The following DHODH variants were observed in gnomAD, a reference collection of about 807,000 sequenced individuals.
DHODH encodes the protein dihydroorotate dehydrogenase (quinone), also known as dihydroorotate dehydrogenase (quinone), mitochondrial.
A neutral mutation model predicts 39.7 loss-of-function variants in DHODH; 30 were observed. That is an observed-to-expected ratio of 0.76 (90% CI 0.57 to 1.02). The LOEUF is 1.02. DHODH is among the 50% of genes least tolerant of loss of function. The pLI, the probability that DHODH is intolerant of heterozygous loss-of-function variation, is 0.00. For missense variants in DHODH, 531 were observed against 520.8 expected (o/e 1.02, Z -0.19); for synonymous variants, 222 against 213.8 (o/e 1.04, Z -0.34).
chr16:72,016,755 GT>G (rs2041145980), intron 3 of DHODH: 1 of 439,188 alleles, frequency 2.3e-6, no homozygotes, highest in Non-Finnish European at 4.2e-6. Context: ...TGGGTAAGGA[GT>G]GGGGATCCAG....
rs2041270516 is a variant in DHODH at position 72,025,662 on chromosome 16, A to C, written c.*1463A>C. On this transcript the variant is annotated 3_prime_UTR_variant, in exon 9 of 9. Coordinates refer to ENST00000219240, the MANE Select transcript of DHODH (RefSeq NM_001361.5). ...TGGCATGTTTCACATTCTGATAGAT[A>C]GAGCCAAGTTGCTCCTATCAGGTTT... 6.6e-6 allele frequency: 1 copy of C among 152,358 alleles called. No homozygotes were observed. The highest frequency in any genetic ancestry group is 2.4e-5 in the African/African-American group (1 of 41,458). The allele number at this position is 152,358 out of a possible 1,614,324, so 9.4% of individuals were successfully genotyped here. A position where few individuals can be genotyped will look rare whatever the true frequency, so the allele number is the denominator to read the frequency against.
In DHODH at chr16:72,023,244, C is replaced by T. The variant is rs778406509; in HGVS notation, c.899C>T (p.Thr300Ile). The change falls in exon 7 of 9, where the codon ACA (threonine) becomes ATA (isoleucine). Residue 300 changes from threonine (T) to isoleucine (I), a missense_variant. Transcript: ENST00000219240. ...CTCCAGGGTGCCCTGCGCTCTGAAA[C>T]AGGAGGGCTGAGTGGGAAGCCCCTC... is the stretch of plus-strand genomic sequence containing the variant. ...AGLQGALRSE[T>I]GGLSGKPLRD... 6.2e-7 allele frequency: 1 copy of T among 1,614,256 alleles called. No homozygotes were observed. Among genetic ancestry groups the T allele is most frequent in the Admixed American group, 1.7e-5 (1 of 60,024 alleles).
In DHODH at chr16:72,026,441, C is replaced by A. The variant is rs187158385; in HGVS notation, c.*2242C>A. On this transcript the variant is annotated 3_prime_UTR_variant, in exon 9 of 9. Transcript: ENST00000219240. The stretch of plus-strand genomic sequence containing the variant: ...TGTCGCCCAGCCTGGAGTGCAGTGG[C>A]ATGATCTCAGCTCACTGCAAACTCC... The A allele has an allele frequency of 9.2e-4, 140 of 152,592 alleles. 1 individual carries two copies. Among genetic ancestry groups the A allele is most frequent in the African/African-American group, 3.1e-3 (129 of 41,424 alleles). The allele number at this position is 152,592 out of a possible 1,614,324, so 9.5% of individuals were successfully genotyped here. A position where few individuals can be genotyped will look rare whatever the true frequency, so the allele number is the denominator to read the frequency against.
rs1296559913 is a variant in DHODH at position 72,008,753 on chromosome 16, G to A, written c.-12G>A. The A allele has an allele frequency of 3.9e-6, 6 of 1,551,564 alleles. No individual in the cohort carries two copies. The Admixed American group carries it at 7.8e-5, about 20-fold the overall frequency. On this transcript the variant is annotated 5_prime_UTR_variant, in exon 1 of 9. It removes an upstream start codon present in the reference 5' UTR. Transcript: ENST00000219240. ...GAAGGGAGACAGGGGCGGGCTTAAT[G>A]ACGGAAGGAGCATGGCGTGGAGACA...
rs542417583 is a variant in DHODH, at chr16:72,024,336, A to G, written c.*137A>G. The G allele has an allele frequency of 6.5e-5, 58 of 889,206 alleles. No homozygotes were observed. The East Asian group carries it at 1.1e-3, about 17-fold the overall frequency. 55.1% of individuals were successfully genotyped at this position (889,206 alleles called of 1,614,324 possible). On this transcript the variant is annotated 3_prime_UTR_variant, in exon 9 of 9. Transcript: ENST00000219240. Reference sequence around the variant, plus strand: ...TGGCATGGCTGCACTGTAAACGCCAATCGGGGGGTCACCAGGATCAACCGC... The same window carrying G: ...TGGCATGGCTGCACTGTAAACGCCAGTCGGGGGGTCACCAGGATCAACCGC...
At chr16:72,020,329 GTATATATATATA>G (rs60652629) in intron 4 of DHODH, 2 of 102,202 alleles carry the variant, frequency 2.0e-5, no homozygotes, top group Admixed American at 1.2e-4. Flanking sequence ...ATGTATATGT[GTATATATATATA>G]TATATATATA....
chr16:72,014,697 G>T, intron 3 of DHODH, 25 bp downstream of exon 3: 1 of 1,612,018 alleles, frequency 6.2e-7, no homozygotes, highest in Non-Finnish European at 8.5e-7. Flanking sequence ...CAGAGTTAAC[G>T]GGGGATGCCC....
intron 4 of DHODH, chr16:72,020,487 C>A (rs959839967): frequency 6.6e-6 from 1 of 151,160 alleles, no homozygotes; most frequent in Admixed American, 6.6e-5. Flanking sequence ...TCCCGAGCAG[C>A]TAGGACTACA....
intron 1 of DHODH, chr16:72,009,204 A>C (rs1282332885): frequency 6.1e-6 from 6 of 976,966 alleles, no homozygotes; most frequent in South Asian, 3.5e-5. Flanking sequence ...GTATCCCCGT[A>C]TGTAATAGGT....
chr16:72,014,968 G>A (rs1291013335), intron 3 of DHODH, among the ~76,000 whole-genome samples: 1 of 152,146 alleles, frequency 6.6e-6, no homozygotes, highest in Non-Finnish European at 1.5e-5. Flanking sequence ...TGGGCTTATT[G>A]GACTTGAGAG....
At position 72,014,696 on chromosome 16, in the gene DHODH, C is replaced by T. The variant is rs180738282; in HGVS notation, c.434+24C>T. On this transcript the variant is annotated intron_variant, in intron 3 of 8. Transcript: ENST00000219240. ...AGGTAGGTGAGCGGCCCAGAGTTAA[C>T]GGGGGATGCCCTCTTTCCAGCTGGG... 145 of 1,611,908 alleles carry T rather than the reference C, an allele frequency of 9.0e-5. No homozygotes were observed. The African/African-American group carries it at 1.5e-3, about 16-fold the overall frequency.
intron 8 of DHODH, among the ~76,000 whole-genome samples, 198 bp downstream of exon 8, chr16:72,023,831 C>T (rs926956026): frequency 3.9e-5 from 6 of 152,178 alleles, no homozygotes; most frequent in Non-Finnish European, 8.8e-5. Flanking sequence ...GGATTAACCT[C>T]CAAGGCAATG....
At position 72,025,572 on chromosome 16, in the gene DHODH, T is replaced by G. The variant is rs1186426390; in HGVS notation, c.*1373T>G. The G allele has an allele frequency of 1.3e-5, 2 of 152,414 alleles. No individual in the cohort carries two copies. Among genetic ancestry groups the G allele is most frequent in the Non-Finnish European group, 2.9e-5 (2 of 68,136 alleles). The allele number at this position is 152,414 out of a possible 1,614,324, so 9.4% of individuals were successfully genotyped here. On this transcript the variant is annotated 3_prime_UTR_variant, in exon 9 of 9. Transcript: ENST00000219240. ...TCCGTGAACACCTTGTGAATGTGCCTGTGCCTTCGTTCTGGTGTCGGTGCA... is the reference window on the plus strand; with the variant it reads ...TCCGTGAACACCTTGTGAATGTGCCGGTGCCTTCGTTCTGGTGTCGGTGCA...
In DHODH at chr16:72,023,259, G is replaced by A. The variant is rs2041241735; in HGVS notation, c.914G>A (p.Gly305Glu). The A allele has an allele frequency of 6.2e-7, 1 of 1,614,092 alleles. No homozygotes were observed. Among genetic ancestry groups the A allele is most frequent in the Non-Finnish European group, 8.5e-7 (1 of 1,180,042 alleles). The change falls in exon 7 of 9, where the codon GGG becomes GAG. Residue 305 changes from glycine (G) to glutamate (E), a missense_variant. Transcript: ENST00000219240. ...CGCTCTGAAACAGGAGGGCTGAGTG[G>A]GAAGCCCCTCCGGGATTTATCAACT... ...ALRSETGGLS[G>E]KPLRDLSTQT...
At position 72,021,131 on chromosome 16, in the gene DHODH, G is replaced by A. The variant is rs773510526; in HGVS notation, c.525G>A (p.Leu175=). The change falls in exon 5 of 9, where the codon CTG becomes CTA. Residue 175 remains leucine (L), a synonymous_variant. Coordinates refer to ENST00000219240, the MANE Select transcript of DHODH (RefSeq NM_001361.5). ...QKQAKLTEDG[L]PLGVNLGKNK... ...GACCAGCGATGTTTGCAGATGGACT[G>A]CCTCTGGGGGTCAACTTGGGGAAGA... The A allele has an allele frequency of 6.2e-7, 1 of 1,606,248 alleles. No homozygotes were observed. The highest frequency in any genetic ancestry group is 1.1e-5 in the South Asian group (1 of 89,708).
At position 72,012,054 on chromosome 16, in the gene DHODH, G is replaced by T; in HGVS notation, c.26G>T (p.Arg9Leu). The T allele has an allele frequency of 6.2e-7, 1 of 1,613,954 alleles. No homozygotes were observed. Among genetic ancestry groups the T allele is most frequent in the Non-Finnish European group, 8.5e-7 (1 of 1,179,930 alleles). Reference sequence around the variant, plus strand: ...CTAATATGCTCTTTTTTGCAGAAGCGGGCCCAGGATGCTGTGATCATCCTG... The same window carrying T: ...CTAATATGCTCTTTTTTGCAGAAGCTGGCCCAGGATGCTGTGATCATCCTG... MAWRHLKKRAQDAVIILGG... is the reference protein window; with the variant it reads MAWRHLKKLAQDAVIILGG... Residue 9 changes from arginine to leucine, a missense_variant, in exon 2 of 9, where the codon CGG becomes CTG. Coordinates refer to ENST00000219240, the MANE Select transcript of DHODH (RefSeq NM_001361.5).
At chr16:72,016,359 G>C (rs2041141414) in intron 3 of DHODH, 1 of 157,332 alleles carries the variant, frequency 6.4e-6, no homozygotes, top group Non-Finnish European at 1.4e-5. Context: ...CCCACAGTGG[G>C]GCTGGGGATA....
At chr16:72,021,589 C>G (rs1036057845) in intron 5 of DHODH, among the ~76,000 whole-genome samples, 1 of 152,198 alleles carries the variant, frequency 6.6e-6, no homozygotes, top group East Asian at 1.9e-4. Context: ...CTGACCCTAG[C>G]GCCCAGAGCT....
chr16:72,018,118 C>G (rs568298669), intron 4 of DHODH, among the ~76,000 whole-genome samples: 1 of 152,256 alleles, frequency 6.6e-6, no homozygotes, highest in Admixed American at 6.5e-5. Flanking sequence ...CGGGTGTTCT[C>G]TGTGGCCTCT....
Sources: gnomAD v4.1 joint callset for allele counts (sites outside exome capture counted in the v4.1 genomes callset) on GRCh38, gnomAD v4.1.1 for gene constraint, MANE v1.5 for transcripts, NCBI Gene and HGNC (gene_info 2026-07-23, HGNC 2026-07-21) for gene names.